The following RANBP17 variants were observed in gnomAD, a reference collection of about 807,000 sequenced individuals.
The protein encoded by RANBP17 is ran-binding protein 17.
Under a neutral mutation model 141.2 loss-of-function variants are expected in RANBP17, and 158 were observed. The ratio of observed to expected loss-of-function variants is 1.12; its 90% confidence interval spans 0.98 to 1.28. The LOEUF (loss-of-function observed/expected upper bound fraction) is 1.28. Ranked by LOEUF, RANBP17 falls within the 50% of genes most tolerant of loss-of-function variation. The pLI is 0.00. For synonymous variants in RANBP17, 430 were observed against 450.0 expected (o/e 0.96, Z 0.56); for missense variants, 1,438 against 1,290.7 (o/e 1.11, Z -1.75).
At chr5:170,997,342 C>A (rs1383437699) in intron 14 of RANBP17, among the ~76,000 whole-genome samples, 1 of 152,080 alleles carries the variant, frequency 6.6e-6, no homozygotes, top group Non-Finnish European at 1.5e-5. Context: ...AGAGTTTGTT[C>A]AATCCAGCGT....
At chr5:171,048,603 G>C (rs998776914) in intron 14 of RANBP17, among the ~76,000 whole-genome samples, 3 of 152,030 alleles carry the variant, frequency 2.0e-5, no homozygotes, top group African/African-American at 7.2e-5. Flanking sequence ...GTACTCGATA[G>C]GTAGTCTTTC....
intron 1 of RANBP17, among the ~76,000 whole-genome samples, chr5:170,874,725 G>C (rs531607161): frequency 1.3e-5 from 2 of 151,192 alleles, no homozygotes; most frequent in African/African-American, 4.9e-5. Context: ...GTATGTCTTT[G>C]CATGTGAGAT....
chr5:170,977,348 A>G (rs541596377), intron 14 of RANBP17, among the ~76,000 whole-genome samples: 1 of 152,180 alleles, frequency 6.6e-6, no homozygotes, highest in South Asian at 2.1e-4. Flanking sequence ...GATAATAACA[A>G]TTGTGAGTGA....
chr5:171,192,489 T>G (rs1320269793), intron 18 of RANBP17, among the ~76,000 whole-genome samples: 1 of 152,180 alleles, frequency 6.6e-6, no homozygotes, highest in East Asian at 1.9e-4. Context: ...TGTATTTTTT[T>G]TCCGGGAACT....
At chr5:171,009,709 G>A (rs988275835) in intron 14 of RANBP17, among the ~76,000 whole-genome samples, 3 of 152,084 alleles carry the variant, frequency 2.0e-5, no homozygotes, top group African/African-American at 7.2e-5. Flanking sequence ...GTTTGTTGCT[G>A]TTAAAAGTAA....
At chr5:170,937,600 C>G (rs1773983148) in intron 12 of RANBP17, among the ~76,000 whole-genome samples, 1 of 152,186 alleles carries the variant, frequency 6.6e-6, no homozygotes, top group African/African-American at 2.4e-5. Flanking sequence ...ATTGCAACAA[C>G]ATGCTAGAGT....
At chr5:171,007,044 G>T (rs7724834) in intron 14 of RANBP17, among the ~76,000 whole-genome samples, 2 of 151,950 alleles carry the variant, frequency 1.3e-5, no homozygotes, top group African/African-American at 4.8e-5. Flanking sequence ...TCATGAAGCC[G>T]GTGGTTATCA....
At chr5:171,014,389 T>A (rs1468706090) in intron 14 of RANBP17, among the ~76,000 whole-genome samples, 1 of 152,044 alleles carries the variant, frequency 6.6e-6, no homozygotes, top group Non-Finnish European at 1.5e-5. Context: ...ATTCAATGGA[T>A]TTTTGCCTTT....
Position 170,914,254 on chromosome 5 carries a change from A to G in RANBP17, c.834+14A>G, listed in dbSNP as rs774977338. 3.9e-6 allele frequency: 6 copies of G among 1,540,072 alleles called. No homozygotes were observed. The highest frequency in any genetic ancestry group is 1.1e-5 in the South Asian group (1 of 89,046). On this transcript the variant is annotated intron_variant, in intron 8 of 27. Coordinates refer to ENST00000523189, the MANE Select transcript of RANBP17 (RefSeq NM_022897.5). Reference sequence around the variant, plus strand: ...CTATCTCAGTTAGTAAGTAAAAGTCATTCGTTATTTCGTTAAAAAATACCT... The same window carrying G: ...CTATCTCAGTTAGTAAGTAAAAGTCGTTCGTTATTTCGTTAAAAAATACCT...
intron 14 of RANBP17, among the ~76,000 whole-genome samples, chr5:171,070,435 T>C (rs1784567723): frequency 6.6e-6 from 1 of 152,168 alleles, no homozygotes; most frequent in Non-Finnish European, 1.5e-5. Context: ...ATGTTAACAC[T>C]GGAAAAGTTC....
At chr5:171,090,782 G>T (rs1166829928) in intron 14 of RANBP17, among the ~76,000 whole-genome samples, 11 of 152,212 alleles carry the variant, frequency 7.2e-5, no homozygotes, top group Non-Finnish European at 1.5e-4. Flanking sequence ...CCGGGCTGTT[G>T]CTTCAGAGGG....
At chr5:171,124,157 A>C (rs1756253354) in intron 14 of RANBP17, among the ~76,000 whole-genome samples, 1 of 152,102 alleles carries the variant, frequency 6.6e-6, no homozygotes, top group Non-Finnish European at 1.5e-5. Context: ...ATTTATCAAA[A>C]AGATAGATGG....
At chr5:170,902,184 A>G (rs1770702294) in intron 5 of RANBP17, among the ~76,000 whole-genome samples, 1 of 152,010 alleles carries the variant, frequency 6.6e-6, no homozygotes, top group Admixed American at 6.6e-5. Context: ...TGGCCTTTTC[A>G]CATAGTCCCA....
At chr5:171,126,604 A>C (rs1756486568) in intron 14 of RANBP17, among the ~76,000 whole-genome samples, 1 of 152,182 alleles carries the variant, frequency 6.6e-6, no homozygotes, top group South Asian at 2.1e-4. Context: ...AAGAGAGAAA[A>C]CCCAAATAAA....
At chr5:170,891,813 G>GT (rs1250290828) in intron 3 of RANBP17, among the ~76,000 whole-genome samples, 3 of 152,152 alleles carry the variant, frequency 2.0e-5, no homozygotes, top group Non-Finnish European at 4.4e-5. Context: ...CATGAGACTT[G>GT]GTCAGGGACA....
chr5:171,182,606 A>C (rs1243003385), intron 16 of RANBP17, among the ~76,000 whole-genome samples: 1 of 152,218 alleles, frequency 6.6e-6, no homozygotes. Context: ...GAATTAACAT[A>C]TGGAAATGCC....
chr5:171,282,118 T>C (rs975672832), intron 25 of RANBP17, among the ~76,000 whole-genome samples: 1 of 152,184 alleles, frequency 6.6e-6, no homozygotes, highest in African/African-American at 2.4e-5. Flanking sequence ...GATAAGTCTA[T>C]AAATACTTGG....
chr5:171,163,482 A>G (rs894266663), intron 14 of RANBP17, among the ~76,000 whole-genome samples: 3 of 152,176 alleles, frequency 2.0e-5, no homozygotes, highest in Admixed American at 1.3e-4. Context: ...TGCCTTTCAC[A>G]TTGATGAGGT....
intron 3 of RANBP17, among the ~76,000 whole-genome samples, chr5:170,891,758 A>G (rs894640083): frequency 2.6e-5 from 4 of 152,188 alleles, no homozygotes; most frequent in South Asian, 2.1e-4. Context: ...ATCTGCACCT[A>G]TAATCCAATC....
Sources: gnomAD v4.1 joint callset for allele counts (sites outside exome capture counted in the v4.1 genomes callset) on GRCh38, gnomAD v4.1.1 for gene constraint, MANE v1.5 for transcripts, NCBI Gene and HGNC (gene_info 2026-07-23, HGNC 2026-07-21) for gene names.